ZSWIM8: variants seen among roughly 807,000 people sequenced by gnomAD.
The protein encoded by ZSWIM8 is zinc finger SWIM-type containing 8, also known as zinc finger SWIM domain-containing protein 8.
ZSWIM8 carries 27 observed loss-of-function variants against 173.7 expected under a neutral mutation model. That is an observed-to-expected ratio of 0.16 (90% CI 0.11 to 0.21). The LOEUF (loss-of-function observed/expected upper bound fraction) is 0.21, where lower values mean the gene tolerates loss of function less well. Ranked by LOEUF, ZSWIM8 falls within the 10% of genes least tolerant of loss-of-function variation. The pLI is 1.00. For missense variants in ZSWIM8, 1,627 were observed against 2,428.8 expected (o/e 0.67, Z 6.94); for synonymous variants, 958 against 962.0 (o/e 1.00, Z 0.08).
rs367832246 is a variant in ZSWIM8 at position 73,791,399 on chromosome 10, G to A, written c.1219G>A (p.Gly407Arg). Residue 407 changes from glycine to arginine, a missense_variant, in exon 9 of 26, where the codon GGG becomes AGG. Gly to Arg is a moderately radical substitution (Grantham distance 125, BLOSUM62 -2). Transcript: ENST00000604729. The surrounding 1 kb of genome is among the most constrained non-coding windows in gnomAD (Gnocchi z 6.0). ...CAGTGGGCACACGGGCCGTAGCAAC[G>A]GGCAGTCAGAGGTGGCAGCCCATGC... ...SASGHTGRSN[G>R]QSEVAAHACA... 3 of 1,613,962 alleles carry A rather than the reference G, an allele frequency of 1.9e-6. No homozygotes were observed. The highest frequency in any genetic ancestry group is 2.5e-6 in the Non-Finnish European group (3 of 1,179,844).
chr10:73,788,442 A>C (rs1448961534), intron 1 of ZSWIM8, among the ~76,000 whole-genome samples: 1 of 152,134 alleles, frequency 6.6e-6, no homozygotes, highest in African/African-American at 2.4e-5. Flanking sequence ...TCTAGACCTT[A>C]GGTGTAGCCG....
intron 1 of ZSWIM8, chr10:73,786,341 TGTGTGCGCGCGCGCGC>T: frequency 3.2e-5 from 13 of 410,336 alleles, no homozygotes; most frequent in South Asian, 1.7e-4. Context: ...TGTGTGTGTG[TGTGTGCGCGCGCGCGC>T]GTGCGCGCGC....
rs1320981234 is a variant in ZSWIM8, at chr10:73,785,837, G to A, written c.-42G>A. ...ACCCCCGGCCGGCGGCCCAGGCCCCGGATCCGCGGGGGGGGACCCGGCCCC... is the reference window on the plus strand; with the variant it reads ...ACCCCCGGCCGGCGGCCCAGGCCCCAGATCCGCGGGGGGGGACCCGGCCCC... On this transcript the variant is annotated 5_prime_UTR_variant, in exon 1 of 26. Coordinates refer to ENST00000604729, the MANE Select transcript of ZSWIM8 (RefSeq NM_001367799.1). 7 of 1,466,354 alleles carry A rather than the reference G, an allele frequency of 4.8e-6. No homozygotes were observed. Among genetic ancestry groups the A allele is most frequent in the Non-Finnish European group, 6.3e-6 (7 of 1,106,552 alleles). The allele number at this position is 1,466,354 out of a possible 1,614,324, so 90.8% of individuals were successfully genotyped here.
intron 1 of ZSWIM8, among the ~76,000 whole-genome samples, chr10:73,787,594 G>T (rs2083271554): frequency 6.6e-6 from 1 of 152,284 alleles, no homozygotes; most frequent in African/African-American, 2.4e-5. Context: ...GCTCGTGCCT[G>T]TAATCCCAGT....
rs2083283793 is a variant in ZSWIM8 at position 73,787,961 on chromosome 10, G to A, written c.209-709G>A. On this transcript the variant is annotated intron_variant, in intron 1 of 25. Coordinates refer to ENST00000604729, the MANE Select transcript of ZSWIM8 (RefSeq NM_001367799.1). ...ATCTATTAATGTGACTAGCAATTTTGTGAGATGTAGTTTGTCATGTTATCA... is the reference window on the plus strand; with the variant it reads ...ATCTATTAATGTGACTAGCAATTTTATGAGATGTAGTTTGTCATGTTATCA... 1.3e-5 allele frequency among the ~76,000 whole-genome samples: 2 copies of A among 152,184 alleles called. 1 individual carries two copies. Among genetic ancestry groups the A allele is most frequent in the South Asian group, 4.1e-4 (2 of 4,828 alleles).
In ZSWIM8 at chr10:73,800,902, C is replaced by T; in HGVS notation, c.5123-115C>T. 1.6e-6 allele frequency: 2 copies of T among 1,267,396 alleles called. No homozygotes were observed. Among genetic ancestry groups the T allele is most frequent in the Non-Finnish European group, 2.2e-6 (2 of 915,084 alleles). 78.5% of individuals were successfully genotyped at this position (1,267,396 alleles called of 1,614,324 possible). ...GCGTGCGCGGGGGGCGGAGGGTTAC[C>T]TCAGCTCCTGGGGTGGAGGGAGGCT... On this transcript the variant is annotated intron_variant, in intron 24 of 25. Transcript: ENST00000604729. This position sits in a 1 kb window ranked among gnomAD's most constrained non-coding sequence, Gnocchi z 4.1.
intron 14 of ZSWIM8, 64 bp downstream of exon 14, chr10:73,794,703 C>T: frequency 7.1e-7 from 1 of 1,411,126 alleles, no homozygotes; most frequent in South Asian, 1.2e-5. Flanking sequence ...GAGACCTGTG[C>T]CTTGTTGTGA....
At chr10:73,794,362 A>G in intron 13 of ZSWIM8, 32 bp downstream of exon 13, 1 of 1,607,358 alleles carries the variant, frequency 6.2e-7, no homozygotes. Context: ...TAAGTGGGGA[A>G]CTGGGGTAGG....
chr10:73,796,954 G>T lies in ZSWIM8; in HGVS notation c.3214G>T (p.Gly1072Trp). 6.2e-7 allele frequency: 1 copy of T among 1,613,982 alleles called. No individual in the cohort carries two copies. Among genetic ancestry groups the T allele is most frequent in the Non-Finnish European group, 8.5e-7 (1 of 1,179,836 alleles). Residue 1072 changes from glycine to tryptophan, a missense_variant, in exon 16 of 26, where the codon GGG becomes TGG. By Grantham distance (184) the Gly-to-Trp change is radical (BLOSUM62 -2). Transcript: ENST00000604729. ...TSGSAGPAQP[G>W]SVAGAGPGPT... Reference sequence around the variant, plus strand: ...AGGCTCTGCAGGGCCTGCTCAACCAGGGAGTGTGGCAGGGGCTGGGCCAGG... The same window carrying T: ...AGGCTCTGCAGGGCCTGCTCAACCATGGAGTGTGGCAGGGGCTGGGCCAGG...
At chr10:73,798,118 G>A (rs774962409) in intron 19 of ZSWIM8, 48 bp downstream of exon 19, 34 of 1,601,968 alleles carry the variant, frequency 2.1e-5, no homozygotes, top group Non-Finnish European at 2.7e-5. Context: ...TTAATTGGTG[G>A]GGATAAGACC....
At position 73,791,022 on chromosome 10, in the gene ZSWIM8, C is replaced by T; in HGVS notation, c.989C>T (p.Ala330Val). The change falls in exon 8 of 26, where the codon GCT becomes GTT. Residue 330 changes from alanine to valine, a missense_variant. Ala to Val is a moderately conservative substitution (Grantham distance 64). Transcript: ENST00000604729. The surrounding 1 kb of genome is among the most constrained non-coding windows in gnomAD (Gnocchi z 6.0). ...TCTTCCACGGAGCCGCCAGCCGCTG[C>T]TGAATGGGCATGTCTGCTGCGCCCT... ...YLSSTEPPAA[A>V]EWACLLRPLR... 1 of 1,613,534 alleles carries T rather than the reference C, an allele frequency of 6.2e-7. No individual in the cohort carries two copies. Among genetic ancestry groups the T allele is most frequent in the South Asian group, 1.1e-5 (1 of 91,082 alleles).
In ZSWIM8 at chr10:73,800,397, C is replaced by T. The variant is rs1478712089; in HGVS notation, c.4927C>T (p.Pro1643Ser). The change falls in exon 23 of 26, where the codon CCG becomes TCG. Residue 1643 changes from proline to serine, a missense_variant. Transcript: ENST00000604729. This position sits in a 1 kb window ranked among gnomAD's most constrained non-coding sequence, Gnocchi z 4.1. ...PSPLVSGGFP[P>S]PEEETHSQPV... ...CCCTCTGGTGAGCGGAGGTTTTCCA[C>T]CGCCCGAGGAGGAGACACACAGTCA... 2 of 1,613,812 alleles carry T rather than the reference C, an allele frequency of 1.2e-6. No homozygotes were observed. The highest frequency in any genetic ancestry group is 4.5e-5 in the East Asian group (2 of 44,884).
Position 73,785,844 on chromosome 10 carries a change from CG to C in ZSWIM8, c.-27del. 37 of 1,444,502 alleles carry C rather than the reference CG, an allele frequency of 2.6e-5. No individual in the cohort carries two copies. Among genetic ancestry groups the C allele is most frequent in the Middle Eastern group, 1.8e-4 (1 of 5,478 alleles). The allele number at this position is 1,444,502 out of a possible 1,614,324, so 89.5% of individuals were successfully genotyped here. The stretch of plus-strand genomic sequence containing the variant: ...GCCGGCGGCCCAGGCCCCGGATCCG[CG>C]GGGGGGGACCCGGCCCCGGGGGGTG... On this transcript the variant is annotated 5_prime_UTR_variant, in exon 1 of 26. Coordinates refer to ENST00000604729, the MANE Select transcript of ZSWIM8 (RefSeq NM_001367799.1).
chr10:73,791,122 C>A lies in ZSWIM8; in HGVS notation c.1089C>A (p.Ser363Arg). 6.2e-7 allele frequency: 1 copy of A among 1,613,480 alleles called. No individual in the cohort carries two copies. The highest frequency in any genetic ancestry group is 8.5e-7 in the Non-Finnish European group (1 of 1,179,586). ...GGGAGATGTTCAAGCGGAGGGACAGCAATGCTGCCCCCTTGTTGGAAATCC... is the reference window on the plus strand; with the variant it reads ...GGGAGATGTTCAAGCGGAGGGACAGAAATGCTGCCCCCTTGTTGGAAATCC... ...IVREMFKRRD[S>R]NAAPLLEILT... Residue 363 changes from serine to arginine, a missense_variant, in exon 8 of 26, where the codon AGC becomes AGA. Ser to Arg is a moderately radical substitution (Grantham distance 110). Around this residue, in one of 18 missense-constraint regions of ZSWIM8, gnomAD observed 38 missense variants for 106.1 expected, o/e 0.36. Coordinates refer to ENST00000604729, the MANE Select transcript of ZSWIM8 (RefSeq NM_001367799.1). The surrounding 1 kb of genome is among the most constrained non-coding windows in gnomAD (Gnocchi z 6.0).
chr10:73,790,607 G>A (rs1445870527), intron 7 of ZSWIM8, among the ~76,000 whole-genome samples: 1 of 152,194 alleles, frequency 6.6e-6, no homozygotes, highest in Non-Finnish European at 1.5e-5. Context: ...CCAGCATTTT[G>A]GGAGGCTGAC....
At position 73,792,486 on chromosome 10, in the gene ZSWIM8, C is replaced by G. The variant is rs529946566; in HGVS notation, c.1947C>G (p.Leu649=). ...CTGAGAGCCCTCCACCCTGTCCTCT[C>G]CACGGTGGCTCCCGAGGCCCTTCCA... is the stretch of plus-strand genomic sequence containing the variant. The part of the protein sequence containing the change: ...GFPESPPPCP[L]HGGSRGPSTF... The change falls in exon 10 of 26, where the codon CTC becomes CTG. Residue 649 remains leucine, a synonymous_variant. Transcript: ENST00000604729. This position sits in a 1 kb window ranked among gnomAD's most constrained non-coding sequence, Gnocchi z 4.3. 3.7e-6 allele frequency: 6 copies of G among 1,612,586 alleles called. No individual in the cohort carries two copies. Among genetic ancestry groups the G allele is most frequent in the Non-Finnish European group, 4.2e-6 (5 of 1,179,218 alleles).
chr10:73,786,247 C>A, intron 1 of ZSWIM8, 161 bp downstream of exon 1: 1 of 833,832 alleles, frequency 1.2e-6, no homozygotes, highest in Non-Finnish European at 1.8e-6. Context: ...GGGAGCTGTC[C>A]CAAGCTTAGA....
chr10:73,785,619 C>T lies in ZSWIM8; in HGVS notation c.-260C>T, dbSNP rs1045065830. 4 of 559,242 alleles carry T rather than the reference C, an allele frequency of 7.2e-6. No homozygotes were observed. The highest frequency in any genetic ancestry group is 4.7e-5 in the Admixed American group (2 of 42,484). 34.6% of individuals were successfully genotyped at this position (559,242 alleles called of 1,614,324 possible). A position where few individuals can be genotyped will look rare whatever the true frequency, so the allele number is the denominator to read the frequency against. On this transcript the variant is annotated 5_prime_UTR_variant, in exon 1 of 26. Coordinates refer to ENST00000604729, the MANE Select transcript of ZSWIM8 (RefSeq NM_001367799.1). ...AGGCGGCTCCGCAGCCGCCTAGAGGCCCCAGCCGCCGAGCGCTTCGTCCCG... is the reference window on the plus strand; with the variant it reads ...AGGCGGCTCCGCAGCCGCCTAGAGGTCCCAGCCGCCGAGCGCTTCGTCCCG...
chr10:73,796,583 A>G (rs1017196979), intron 15 of ZSWIM8, 191 bp from the exon 16 acceptor site: 1 of 689,432 alleles, frequency 1.5e-6, no homozygotes, highest in African/African-American at 1.8e-5. Context: ...GGAGGATACC[A>G]AGATATGTTG....
Sources: gnomAD v4.1 joint callset for allele counts (sites outside exome capture counted in the v4.1 genomes callset) on GRCh38, gnomAD v4.1.1 for gene constraint, gnomAD v4.1.1 regional missense constraint, Gnocchi (gnomAD v3.1) non-coding constraint, MANE v1.5 for transcripts, NCBI Gene and HGNC (gene_info 2026-07-23, HGNC 2026-07-21) for gene names.